GPHN: variants seen among roughly 807,000 people sequenced by gnomAD.
GPHN encodes the protein gephyrin.
A neutral mutation model predicts 95.5 loss-of-function variants in GPHN; 17 were observed. The ratio of observed to expected loss-of-function variants is 0.18; its 90% CI spans 0.12 to 0.27. GPHN has a LOEUF of 0.27. Among genes scored for constraint, GPHN ranks in the 10% least tolerant of loss-of-function variants. The pLI is 1.00. For synonymous variants in GPHN, 320 were observed against 322.5 expected (o/e 0.99, Z 0.08); for missense variants, 660 against 978.1 (o/e 0.67, Z 4.34).
the GPHN span, among the ~76,000 whole-genome samples, chr14:67,600,545 G>C: frequency 6.6e-6 from 1 of 152,198 alleles, no homozygotes; most frequent in African/African-American, 2.4e-5. Flanking sequence ...GTTGCAGTGA[G>C]CGGAGATCAT....
At chr14:66,843,363 T>C (rs1356546517) in intron 4 of GPHN, among the ~76,000 whole-genome samples, 1 of 152,198 alleles carries the variant, frequency 6.6e-6, no homozygotes, top group Non-Finnish European at 1.5e-5. Flanking sequence ...GCCCAATCTA[T>C]GCCTGTAACA....
intron 10 of GPHN, among the ~76,000 whole-genome samples, chr14:67,057,702 T>A (rs182241398): frequency 2.0e-3 from 312 of 152,306 alleles, no homozygotes; most frequent in African/African-American, 6.9e-3. Context: ...TCTTTCTCTT[T>A]CTTGTTCTCT....
the GPHN span, among the ~76,000 whole-genome samples, chr14:67,292,029 G>A: frequency 6.6e-6 from 1 of 152,148 alleles, no homozygotes; most frequent in East Asian, 1.9e-4. Context: ...GCAAAAAATT[G>A]GAAGCAATCT....
chr14:66,896,426 C>T (rs2064851485), intron 5 of GPHN, among the ~76,000 whole-genome samples: 1 of 151,928 alleles, frequency 6.6e-6, no homozygotes, highest in African/African-American at 2.4e-5. Context: ...CGAGACAAGC[C>T]TGGGCAATAT....
At chr14:67,391,119 G>C in the GPHN span, among the ~76,000 whole-genome samples, 1 of 152,176 alleles carries the variant, frequency 6.6e-6, no homozygotes, top group Non-Finnish European at 1.5e-5. Flanking sequence ...TAAGGGCCAA[G>C]TCAGTCCAAA....
chr14:67,549,665 G>GAA, the GPHN span, among the ~76,000 whole-genome samples: 3 of 152,188 alleles, frequency 2.0e-5, no homozygotes, highest in Non-Finnish European at 4.4e-5. Flanking sequence ...GAGTTCTGTA[G>GAA]TGCTCGTGAA....
intron 9 of GPHN, among the ~76,000 whole-genome samples, chr14:66,990,854 TAAATAA>T (rs2071367835): frequency 6.6e-6 from 1 of 151,712 alleles, no homozygotes; most frequent in Non-Finnish European, 1.5e-5. Flanking sequence ...AATTTGCTAA[TAAATAA>T]AAATTAAAAT....
At chr14:66,618,658 A>C (rs1309727451) in intron 1 of GPHN, among the ~76,000 whole-genome samples, 1 of 152,124 alleles carries the variant, frequency 6.6e-6, no homozygotes, top group African/African-American at 2.4e-5. Flanking sequence ...TCACTTCATA[A>C]AGTAAGTTGA....
chr14:66,829,082 C>CTTTTTTTTTT (rs1169056047), intron 4 of GPHN, among the ~76,000 whole-genome samples: 1 of 80,092 alleles, frequency 1.2e-5, no homozygotes, highest in African/African-American at 5.3e-5. Flanking sequence ...GATTGCTTGC[C>CTTTTTTTTTT]TTTTTTTTTT....
intron 2 of GPHN, among the ~76,000 whole-genome samples, chr14:66,702,428 C>G (rs1055650042): frequency 6.6e-6 from 1 of 152,268 alleles, no homozygotes; most frequent in East Asian, 1.9e-4. Flanking sequence ...GATCAGAGAT[C>G]CCAGAAGAAG....
chr14:67,086,014 A>C (rs1307276950), intron 11 of GPHN, among the ~76,000 whole-genome samples: 1 of 152,210 alleles, frequency 6.6e-6, no homozygotes, highest in African/African-American at 2.4e-5. Flanking sequence ...CTCAAGATTC[A>C]TCCATGTTGT....
At chr14:67,636,816 A>G in the GPHN span, among the ~76,000 whole-genome samples, 1 of 152,216 alleles carries the variant, frequency 6.6e-6, no homozygotes, top group South Asian at 2.1e-4. Context: ...CATTGTTCCA[A>G]ATCTATTTGA....
chr14:66,852,377 AAATG>A (rs1333848284), intron 4 of GPHN, among the ~76,000 whole-genome samples: 1 of 152,144 alleles, frequency 6.6e-6, no homozygotes, highest in Non-Finnish European at 1.5e-5. Flanking sequence ...GGAGGGAAAA[AAATG>A]TGTGTGTGTG....
the GPHN span, among the ~76,000 whole-genome samples, chr14:67,402,940 A>G: frequency 6.6e-6 from 1 of 152,248 alleles, no homozygotes; most frequent in East Asian, 1.9e-4. Context: ...TATACCCAGC[A>G]GTGGAATTGC....
At chr14:67,715,878 C>T in the GPHN span, among the ~76,000 whole-genome samples, 1 of 152,192 alleles carries the variant, frequency 6.6e-6, no homozygotes, top group Non-Finnish European at 1.5e-5. Flanking sequence ...GAGCTTATTT[C>T]TGTCCCTGAG....
the GPHN span, among the ~76,000 whole-genome samples, chr14:67,530,518 T>G: frequency 6.6e-6 from 1 of 152,210 alleles, no homozygotes; most frequent in Non-Finnish European, 1.5e-5. Flanking sequence ...TGTGTGTATA[T>G]AAAGTGACTC....
intron 18 of GPHN, among the ~76,000 whole-genome samples, chr14:67,146,202 A>G (rs2080887118): frequency 6.6e-6 from 1 of 152,196 alleles, no homozygotes; most frequent in Admixed American, 6.5e-5. Context: ...CATGCTAAAC[A>G]GCGAGGAAGG....
the GPHN span, chr14:67,473,510 G>T: frequency 6.2e-7 from 1 of 1,614,196 alleles, no homozygotes; most frequent in Admixed American, 1.7e-5. The surrounding 1 kb of genome is among the most constrained non-coding windows in gnomAD (Gnocchi z 6.5). Context: ...GGCGGAGGGT[G>T]TTGCGGATGA....
At chr14:67,705,166 G>A in the GPHN span, among the ~76,000 whole-genome samples, 1 of 152,220 alleles carries the variant, frequency 6.6e-6, no homozygotes, top group Non-Finnish European at 1.5e-5. Flanking sequence ...AAGTTGGAAT[G>A]ATTTTATAAG....
Sources: gnomAD v4.1 joint callset for allele counts (sites outside exome capture counted in the v4.1 genomes callset) on GRCh38, gnomAD v4.1.1 for gene constraint, Gnocchi (gnomAD v3.1) non-coding constraint, MANE v1.5 for transcripts, NCBI Gene and HGNC (gene_info 2026-07-23, HGNC 2026-07-21) for gene names.